The following ITGA10 variants were observed in gnomAD, a reference collection of about 807,000 sequenced individuals.
ITGA10 encodes the protein integrin alpha-10.
Under a neutral mutation model 145.2 loss-of-function variants are expected in ITGA10, and 105 were observed. That is an observed-to-expected ratio of 0.72 (90% confidence interval 0.62 to 0.85). The LOEUF (loss-of-function observed/expected upper bound fraction) is 0.85, where lower values mean the gene tolerates loss of function less well. Among genes scored for constraint, ITGA10 ranks in the 40% least tolerant of loss-of-function variants. The pLI is 0.00. For synonymous variants in ITGA10, 506 were observed against 557.8 expected (o/e 0.91, Z 1.31); for missense variants, 1,317 against 1,444.5 (o/e 0.91, Z 1.43).
rs201845976 is a variant in ITGA10 at position 145,896,058 on chromosome 1, G to A, written c.2958C>T (p.Ile986=). Residue 986 remains isoleucine (I), a synonymous_variant, in exon 25 of 30, where the codon ATC becomes ATT. Transcript: ENST00000369304. The part of the protein sequence containing the change: ...NLGCYVVSGL[I]ISALLPAVAH... ...CCACAGCTGGAAGGAGGGCTGAGATGATGAGGCCACTGACCACATAGCAGC... is the reference window on the plus strand; with the variant it reads ...CCACAGCTGGAAGGAGGGCTGAGATAATGAGGCCACTGACCACATAGCAGC... 1 of 1,614,050 alleles carries A rather than the reference G, an allele frequency of 6.2e-7. No homozygotes were observed. Among genetic ancestry groups the A allele is most frequent in the African/African-American group, 1.3e-5 (1 of 74,922 alleles).
Position 145,902,037 on chromosome 1 carries a change from A to G in ITGA10, c.1150-16T>C. 4 of 1,613,756 alleles carry G rather than the reference A, an allele frequency of 2.5e-6. No homozygotes were observed. Among genetic ancestry groups the G allele is most frequent in the Non-Finnish European group, 3.4e-6 (4 of 1,179,868 alleles). ...GAATCCCATCCTGTGGGACAGAAGC[A>G]GATGGGGTCACTGAGAAGACAGTGG... On this transcript the variant is annotated splice_polypyrimidine_tract_variant and intron_variant, in intron 10 of 29. Coordinates refer to ENST00000369304, the MANE Select transcript of ITGA10 (RefSeq NM_003637.5).
At chr1:145,895,527 G>T in intron 26 of ITGA10, 104 bp downstream of exon 26, 1 of 1,371,378 alleles carries the variant, frequency 7.3e-7, no homozygotes, top group Non-Finnish European at 1.0e-6. Context: ...CAGGACCCTG[G>T]GGTGGAAAGA....
In ITGA10 at chr1:145,895,677, G is replaced by A. The variant is rs1655286393; in HGVS notation, c.3068C>T (p.Pro1023Leu). 1 of 1,614,198 alleles carries A rather than the reference G, an allele frequency of 6.2e-7. No homozygotes were observed. The highest frequency in any genetic ancestry group is 8.5e-7 in the Non-Finnish European group (1 of 1,180,012). The change falls in exon 26 of 30, where the codon CCA becomes CTA. Residue 1023 changes from proline (P) to leucine (L), a missense_variant. Physicochemically the swap from Pro to Leu is moderately conservative, Grantham distance 98 (BLOSUM62 -3). Coordinates refer to ENST00000369304, the MANE Select transcript of ITGA10 (RefSeq NM_003637.5). ...SCIVQNLTEP[P>L]GPPVHPEELQ... ...CTCCTCTGGATGCACAGGTGGGCCTGGGGGTTCAGTCAGGTTCTGCACTAT... is the reference window on the plus strand; with the variant it reads ...CTCCTCTGGATGCACAGGTGGGCCTAGGGGTTCAGTCAGGTTCTGCACTAT...
intron 27 of ITGA10, among the ~76,000 whole-genome samples, chr1:145,894,884 C>G (rs1655167397): frequency 6.6e-6 from 1 of 152,092 alleles, no homozygotes; most frequent in Admixed American, 6.5e-5. Flanking sequence ...AATACAGGGC[C>G]TTTTACGTAA....
At chr1:145,904,263 GAA>G in intron 6 of ITGA10, 63 bp from the exon 7 acceptor site, 1 of 1,517,890 alleles carries the variant, frequency 6.6e-7, no homozygotes. Flanking sequence ...GGAGGAAGAA[GAA>G]AGTATATAAG....
At chr1:145,904,303 C>G in intron 6 of ITGA10, 103 bp from the exon 7 acceptor site, 2 of 1,070,388 alleles carry the variant, frequency 1.9e-6, no homozygotes, top group Admixed American at 3.8e-5. Context: ...CTGGATACTA[C>G]TGAAGACAAC....
At position 145,904,668 on chromosome 1, in the gene ITGA10, T is replaced by A; in HGVS notation, c.609+16A>T. The A allele has an allele frequency of 1.2e-6, 2 of 1,613,708 alleles. No homozygotes were observed. Among genetic ancestry groups the A allele is most frequent in the Non-Finnish European group, 1.7e-6 (2 of 1,179,722 alleles). ...GCCACAAGCAACTGTGCCCAGCTCATATTGCCTTCTCTTACCTGTATCTGT... is the reference window on the plus strand; with the variant it reads ...GCCACAAGCAACTGTGCCCAGCTCAAATTGCCTTCTCTTACCTGTATCTGT... On this transcript the variant is annotated intron_variant, in intron 6 of 29. Transcript: ENST00000369304.
At chr1:145,895,767 A>G in intron 25 of ITGA10, 56 bp from the exon 26 acceptor site, 1 of 1,521,884 alleles carries the variant, frequency 6.6e-7, no homozygotes, top group Non-Finnish European at 9.1e-7. Flanking sequence ...TAGCCACTCA[A>G]GGCTGAGTTG....
At chr1:145,903,987 C>A in intron 7 of ITGA10, 65 bp downstream of exon 7, 1 of 1,587,330 alleles carries the variant, frequency 6.3e-7, no homozygotes, top group Admixed American at 1.7e-5. Flanking sequence ...CATGCCTGGC[C>A]CCGCCCTAAC....
At chr1:145,903,002 GACACAC>G (rs34766827) in intron 7 of ITGA10, 41 bp from the exon 8 acceptor site, 146 of 1,097,388 alleles carry the variant, frequency 1.3e-4, no homozygotes, top group Non-Finnish European at 7.3e-5. Flanking sequence ...GATGTATGCA[GACACAC>G]ACACACACAC....
At position 145,897,915 on chromosome 1, in the gene ITGA10, A is replaced by G. The variant is rs782160524; in HGVS notation, c.2347-15T>C. ...GAGAAGGGGACCTGGAAGAAAGGGA[A>G]GGGGCTAAGGGTTGAGAGGAAAGCA... On this transcript the variant is annotated splice_polypyrimidine_tract_variant and intron_variant, in intron 18 of 29. Coordinates refer to ENST00000369304, the MANE Select transcript of ITGA10 (RefSeq NM_003637.5). 1.2e-6 allele frequency: 2 copies of G among 1,602,418 alleles called. No homozygotes were observed.
chr1:145,909,222 C>T (rs1657524774), intron 1 of ITGA10, among the ~76,000 whole-genome samples: 2 of 151,346 alleles, frequency 1.3e-5, no homozygotes, highest in Non-Finnish European at 2.9e-5. Context: ...ATCACCTCAG[C>T]CTGGGAGGTT....
At chr1:145,905,405 G>A (rs971943446) in intron 5 of ITGA10, among the ~76,000 whole-genome samples, 2 of 151,494 alleles carry the variant, frequency 1.3e-5, no homozygotes, top group South Asian at 2.1e-4. Flanking sequence ...TCAGCCTCCC[G>A]AGTAGCTGGG....
At position 145,902,639 on chromosome 1, in the gene ITGA10, AG is replaced by A; in HGVS notation, c.910-21del. On this transcript the variant is annotated intron_variant, in intron 8 of 29. Coordinates refer to ENST00000369304, the MANE Select transcript of ITGA10 (RefSeq NM_003637.5). Reference sequence around the variant, plus strand: ...AAGGACCTAAGAGGTCATAAGATCAAGGAATGAGGCATTAGAGTTGGTACAG... The same window carrying A: ...AAGGACCTAAGAGGTCATAAGATCAAGAATGAGGCATTAGAGTTGGTACAG... 3 of 1,582,888 alleles carry A rather than the reference AG, an allele frequency of 1.9e-6. No homozygotes were observed. The highest frequency in any genetic ancestry group is 1.3e-5 in the African/African-American group (1 of 74,274).
Position 145,902,554 on chromosome 1 carries a change from A to T in ITGA10, c.975T>A (p.Ile325=). 9 of 1,613,936 alleles carry T rather than the reference A, an allele frequency of 5.6e-6. No individual in the cohort carries two copies. The highest frequency in any genetic ancestry group is 7.6e-6 in the Non-Finnish European group (9 of 1,179,930). ...PSSFLREIRT[I]ASDPDERFFF... ...AGAATCGCTCATCTGGATCACTGGC[A>T]ATAGTTCTAATTTCTCTCAGGAAAG... is the stretch of plus-strand genomic sequence containing the variant. The change falls in exon 9 of 30, where the codon ATT becomes ATA. Residue 325 remains isoleucine (I), a synonymous_variant. Transcript: ENST00000369304.
chr1:145,893,289 G>C lies in ITGA10; in HGVS notation c.3325-15C>G. On this transcript the variant is annotated splice_polypyrimidine_tract_variant and intron_variant, in intron 28 of 29. Transcript: ENST00000369304. ...TCCAAGAGGCTCTGCGTGGACAGAA[G>C]AGTAGTTTTCTACATGCATCCTATA... 6.3e-7 allele frequency: 1 copy of C among 1,581,690 alleles called. No individual in the cohort carries two copies. Among genetic ancestry groups the C allele is most frequent in the Non-Finnish European group, 8.7e-7 (1 of 1,150,630 alleles).
In ITGA10 at chr1:145,907,214, G is replaced by A. The variant is rs1332942530; in HGVS notation, c.165-64C>T. On this transcript the variant is annotated intron_variant, in intron 2 of 29. Transcript: ENST00000369304. ...ACATGACCCTTGACATAGGCCAAAG[G>A]GAAAGAGCATGGAGGTGGTAAGTTT... 5 of 1,569,150 alleles carry A rather than the reference G, an allele frequency of 3.2e-6. No individual in the cohort carries two copies. In the African/African-American group the frequency reaches 5.4e-5, roughly 17 times the overall value.
At position 145,900,170 on chromosome 1, in the gene ITGA10, G is replaced by A. The variant is rs782375522; in HGVS notation, c.1809C>T (p.Ser603=). ...CAAAGTAGCTGAGGGCATGTGGCAT[G>A]GAGGCAGCAGCAATCCTCTGAGAGG... ...PHPAQRIAAA[S]MPHALSYFGR... Residue 603 remains serine (S), a synonymous_variant, in exon 15 of 30, where the codon TCC becomes TCT. Coordinates refer to ENST00000369304, the MANE Select transcript of ITGA10 (RefSeq NM_003637.5). The A allele has an allele frequency of 6.2e-7, 1 of 1,613,272 alleles. No homozygotes were observed. Among genetic ancestry groups the A allele is most frequent in the Non-Finnish European group, 8.5e-7 (1 of 1,179,544 alleles).
intron 7 of ITGA10, among the ~76,000 whole-genome samples, chr1:145,903,221 T>C (rs1392599779): frequency 2.6e-5 from 4 of 152,166 alleles, no homozygotes; most frequent in Non-Finnish European, 4.4e-5. Context: ...AGTACAACGT[T>C]CATACACTCA....
Sources: gnomAD v4.1 joint callset for allele counts (sites outside exome capture counted in the v4.1 genomes callset) on GRCh38, gnomAD v4.1.1 for gene constraint, MANE v1.5 for transcripts, NCBI Gene and HGNC (gene_info 2026-07-23, HGNC 2026-07-21) for gene names.